Variants in XPR1 observed in about 807,000 individuals in gnomAD.
XPR1 encodes the protein xenotropic and polytropic retrovirus receptor 1, also known as solute carrier family 53 member 1.
XPR1 carries 28 observed loss-of-function variants against 87.5 expected under a neutral mutation model. That is an observed-to-expected ratio of 0.32 (90% CI 0.24 to 0.44). The LOEUF (loss-of-function observed/expected upper bound fraction) is 0.44. Ranked by LOEUF, XPR1 falls within the 20% of genes least tolerant of loss-of-function variation. XPR1 has a pLI of 1.00. For synonymous variants in XPR1, 300 were observed against 306.1 expected (o/e 0.98, Z 0.21); for missense variants, 559 against 862.3 (o/e 0.65, Z 4.41).
At chr1:180,646,974 T>TTTA (rs1337004428) in intron 1 of XPR1, among the ~76,000 whole-genome samples, 3 of 152,184 alleles carry the variant, frequency 2.0e-5, no homozygotes, top group African/African-American at 7.2e-5. Context: ...AAGCAATTGA[T>TTTA]TTATTATGGT....
intron 2 of XPR1, among the ~76,000 whole-genome samples, chr1:180,711,312 A>C (rs1453611622): frequency 6.6e-6 from 1 of 152,246 alleles, no homozygotes; most frequent in African/African-American, 2.4e-5. Context: ...ACTGCACTCC[A>C]GCCTGGGCAA....
At chr1:180,728,300 G>GA (rs944835512) in intron 2 of XPR1, among the ~76,000 whole-genome samples, 3 of 146,284 alleles carry the variant, frequency 2.1e-5, no homozygotes, top group Non-Finnish European at 3.0e-5. Context: ...TTATAACTGG[G>GA]GGGGGGGGTA....
At chr1:180,875,051 A>C (rs1223896847) in intron 13 of XPR1, among the ~76,000 whole-genome samples, 1 of 152,214 alleles carries the variant, frequency 6.6e-6, no homozygotes, top group Non-Finnish European at 1.5e-5. Context: ...TTTTAAATAC[A>C]TGTAGAACAT....
At chr1:180,802,284 G>C (rs1649813354) in intron 3 of XPR1, among the ~76,000 whole-genome samples, 1 of 152,062 alleles carries the variant, frequency 6.6e-6, no homozygotes, top group South Asian at 2.1e-4. Context: ...ACTGAATTGT[G>C]ACCTTGGAAG....
chr1:180,799,867 T>A (rs1649718264), intron 3 of XPR1, among the ~76,000 whole-genome samples: 1 of 152,188 alleles, frequency 6.6e-6, no homozygotes, highest in African/African-American at 2.4e-5. Context: ...GCAGCTGCTA[T>A]CACAGAGACC....
intron 1 of XPR1, among the ~76,000 whole-genome samples, chr1:180,658,433 A>G (rs1007847338): frequency 3.3e-5 from 5 of 152,112 alleles, no homozygotes; most frequent in Non-Finnish European, 5.9e-5. Flanking sequence ...TCTGTTGTGT[A>G]TGGCTTTTAT....
intron 2 of XPR1, among the ~76,000 whole-genome samples, chr1:180,786,076 G>A (rs1432604300): frequency 6.6e-6 from 1 of 151,844 alleles, no homozygotes; most frequent in Non-Finnish European, 1.5e-5. Context: ...GTTTAAAGTG[G>A]CCATCCTGTT....
intron 2 of XPR1, among the ~76,000 whole-genome samples, chr1:180,752,611 C>T (rs1041459074): frequency 2.6e-5 from 4 of 152,030 alleles, no homozygotes; most frequent in African/African-American, 9.7e-5. Flanking sequence ...GGTGGCCATA[C>T]ATCTTGTTTG....
intron 2 of XPR1, among the ~76,000 whole-genome samples, chr1:180,713,204 T>C (rs984870038): frequency 6.6e-6 from 1 of 152,142 alleles, no homozygotes; most frequent in Admixed American, 6.5e-5. Context: ...TTCCACATCT[T>C]TAATCAGATT....
intron 2 of XPR1, among the ~76,000 whole-genome samples, chr1:180,784,556 T>G (rs1649062313): frequency 6.6e-6 from 1 of 152,090 alleles, no homozygotes; most frequent in African/African-American, 2.4e-5. Flanking sequence ...ATTTTTTATT[T>G]TCTGAAAGTG....
At chr1:180,816,988 G>C (rs1170317256) in intron 7 of XPR1, among the ~76,000 whole-genome samples, 1 of 152,142 alleles carries the variant, frequency 6.6e-6, no homozygotes, top group African/African-American at 2.4e-5. Flanking sequence ...CCTTCCAGTG[G>C]GAGAAGATGT....
intron 2 of XPR1, among the ~76,000 whole-genome samples, chr1:180,769,724 C>T (rs934274003): frequency 2.6e-5 from 4 of 152,134 alleles, no homozygotes; most frequent in Non-Finnish European, 4.4e-5. Context: ...CTATTGTGAA[C>T]GGCTGCAACA....
chr1:180,749,192 C>A (rs1415176817), intron 2 of XPR1, among the ~76,000 whole-genome samples: 2 of 152,084 alleles, frequency 1.3e-5, no homozygotes, highest in South Asian at 2.1e-4. Flanking sequence ...AGCAAGAAGA[C>A]CCTGTCTAAA....
At chr1:180,746,818 T>G (rs73034895) in intron 2 of XPR1, among the ~76,000 whole-genome samples, 2,552 of 152,272 alleles carry the variant, frequency 0.017, 80 homozygotes, top group African/African-American at 0.056. Context: ...TACATCCCCT[T>G]GGGTAATCTT....
intron 3 of XPR1, among the ~76,000 whole-genome samples, chr1:180,803,148 G>A (rs1019443371): frequency 6.6e-6 from 1 of 152,180 alleles, no homozygotes; most frequent in South Asian, 2.1e-4. Context: ...TTCACTCTTA[G>A]TGGCTCTTTA....
rs758586718 is a variant in XPR1 at position 180,834,866 on chromosome 1, T to C, written c.1135-8T>C. 1.3e-6 allele frequency: 2 copies of C among 1,587,788 alleles called. No individual in the cohort carries two copies. The highest frequency in any genetic ancestry group is 1.7e-6 in the Non-Finnish European group (2 of 1,170,892). ...TTTCTGTGTTTTCTGATTTTTTTTT[T>C]CTTTCAGTTTCGAGTATTTACAGCC... is the stretch of plus-strand genomic sequence containing the variant. On this transcript the variant is annotated splice_polypyrimidine_tract_variant and splice_region_variant and intron_variant, in intron 9 of 14. Coordinates refer to ENST00000367590, the MANE Select transcript of XPR1 (RefSeq NM_004736.4).
intron 11 of XPR1, among the ~76,000 whole-genome samples, chr1:180,855,182 A>G (rs1408485793): frequency 2.0e-5 from 3 of 152,208 alleles, no homozygotes; most frequent in African/African-American, 4.8e-5. Context: ...ACAATGCTAG[A>G]TAGAATACAA....
At chr1:180,763,547 G>C (rs1353063363) in intron 2 of XPR1, among the ~76,000 whole-genome samples, 15 of 152,162 alleles carry the variant, frequency 9.9e-5, no homozygotes, top group Admixed American at 7.2e-4. Flanking sequence ...TTGACCAGTG[G>C]TGAAATAAAT....
chr1:180,834,768 C>T, intron 9 of XPR1, 106 bp from the exon 10 acceptor site: 1 of 1,277,998 alleles, frequency 7.8e-7, no homozygotes, highest in Non-Finnish European at 1.0e-6. Flanking sequence ...TCTTTGGTTT[C>T]CATTTTATCA....
Sources: gnomAD v4.1 joint callset for allele counts (sites outside exome capture counted in the v4.1 genomes callset) on GRCh38, gnomAD v4.1.1 for gene constraint, MANE v1.5 for transcripts, NCBI Gene and HGNC (gene_info 2026-07-23, HGNC 2026-07-21) for gene names.